The following RPTOR variants were observed in gnomAD, a reference collection of about 807,000 sequenced individuals.
RPTOR encodes the protein regulatory-associated protein of mTOR.
A neutral mutation model predicts 169.9 loss-of-function variants in RPTOR; 21 were observed. That is an observed-to-expected ratio of 0.12 (90% CI 0.09 to 0.18). The LOEUF (loss-of-function observed/expected upper bound fraction) is 0.18. Among genes scored for constraint, RPTOR ranks in the 10% least tolerant of loss-of-function variants. The pLI, the probability that RPTOR is intolerant of heterozygous loss-of-function variation, is 1.00. For missense variants in RPTOR, 1,133 were observed against 1,855.9 expected, an observed-to-expected ratio of 0.61 and a Z score of 7.16; for synonymous variants, 732 against 753.2, an observed-to-expected ratio of 0.97 and a Z score of 0.46.
Position 80,708,895 on chromosome 17 carries a change from G to A in RPTOR, c.507+896G>A. ...GTTTCGGTTGTGCTGTCAGCCTCCT[G>A]GGCTTCTGCTTCCTTAGTGTGGACA... On this transcript the variant is annotated intron_variant, in intron 4 of 33. Coordinates refer to ENST00000306801, the MANE Select transcript of RPTOR (RefSeq NM_020761.3). This position sits in a 1 kb window ranked among gnomAD's most constrained non-coding sequence, Gnocchi z 4.2. The A allele has an allele frequency of 2.0e-6, 2 of 983,688 alleles. No individual in the cohort carries two copies. The highest frequency in any genetic ancestry group is 9.4e-5 in the South Asian group (2 of 21,230). 60.9% of individuals were successfully genotyped at this position (983,688 alleles called of 1,614,324 possible).
At chr17:80,728,891 G>C (rs2066363932) in intron 4 of RPTOR, among the ~76,000 whole-genome samples, 1 of 152,144 alleles carries the variant, frequency 6.6e-6, no homozygotes, top group Admixed American at 6.5e-5. Context: ...TTTACAGAGA[G>C]CATTTCCAGG....
At position 80,581,960 on chromosome 17, in the gene RPTOR, G is replaced by C. The variant is rs530246840; in HGVS notation, c.162+36169G>C. ...AGAGTTGCAGAGGGCTGGGGATGTTGAAGGAGAGAGAAGGCTCTGGAGGAA... is the reference window on the plus strand; with the variant it reads ...AGAGTTGCAGAGGGCTGGGGATGTTCAAGGAGAGAGAAGGCTCTGGAGGAA... On this transcript the variant is annotated intron_variant, in intron 1 of 33. Coordinates refer to ENST00000306801, the MANE Select transcript of RPTOR (RefSeq NM_020761.3). Among the ~76,000 whole-genome samples the C allele has an allele frequency of 9.8e-5, 15 of 152,344 alleles. No individual in the cohort carries two copies. In the South Asian group the frequency reaches 3.1e-3, roughly 32 times the overall value.
At chr17:80,638,433 A>G (rs2065526050) in intron 2 of RPTOR, among the ~76,000 whole-genome samples, 1 of 119,448 alleles carries the variant, frequency 8.4e-6, no homozygotes, top group South Asian at 2.5e-4. Flanking sequence ...TTTTTTTGAG[A>G]CGGAGTCACA....
At chr17:80,755,518 C>T (rs2143341486) in intron 6 of RPTOR, among the ~76,000 whole-genome samples, 1 of 152,234 alleles carries the variant, frequency 6.6e-6, no homozygotes, top group African/African-American at 2.4e-5. Flanking sequence ...AGGCAGATTG[C>T]TTGAGGCCAG....
In RPTOR at chr17:80,651,130, G is replaced by A. The variant is rs528232635; in HGVS notation, c.348+7320G>A. 3.0e-4 allele frequency among the ~76,000 whole-genome samples: 46 copies of A among 152,276 alleles called. No individual in the cohort carries two copies. Among genetic ancestry groups the A allele is most frequent in the African/African-American group, 9.4e-4 (39 of 41,558 alleles). On this transcript the variant is annotated intron_variant, in intron 3 of 33. Coordinates refer to ENST00000306801, the MANE Select transcript of RPTOR (RefSeq NM_020761.3). The surrounding 1 kb of genome is among the most constrained non-coding windows in gnomAD (Gnocchi z 4.1). ...TGTTTCCTGAGTTAACTTGGGGACCGTGATACAGAGCGATGCGGAGATGGC... is the reference window on the plus strand; with the variant it reads ...TGTTTCCTGAGTTAACTTGGGGACCATGATACAGAGCGATGCGGAGATGGC...
chr17:80,821,122 T>C (rs965859735), intron 7 of RPTOR, among the ~76,000 whole-genome samples: 13 of 152,372 alleles, frequency 8.5e-5, no homozygotes, highest in Middle Eastern at 6.8e-3. Flanking sequence ...AGAATTACAT[T>C]AAGAAGCTTG....
chr17:80,918,455 ACGAGCACCC>A (rs1322085516), intron 21 of RPTOR, among the ~76,000 whole-genome samples: 6 of 142,938 alleles, frequency 4.2e-5, no homozygotes, highest in Admixed American at 1.4e-4. Context: ...AGTCATAGCC[ACGAGCACCC>A]TCGCCGGAGT....
chr17:80,575,104 A>G (rs1006986583), intron 1 of RPTOR, among the ~76,000 whole-genome samples: 7 of 152,096 alleles, frequency 4.6e-5, no homozygotes, highest in Non-Finnish European at 8.8e-5. Context: ...TGTCTTTTCT[A>G]GTGTATGCAC....
rs555051490 is a variant in RPTOR, at chr17:80,605,130, C to T, written c.163-20561C>T. On this transcript the variant is annotated intron_variant, in intron 1 of 33. Transcript: ENST00000306801. ...GACGATCCATGTCCTGTGGGATGGC[C>T]CATGTTTCACCAGCACTCAGATGCC... 1.1e-3 allele frequency among the ~76,000 whole-genome samples: 167 copies of T among 152,254 alleles called. 7 individuals are homozygous for T. Among genetic ancestry groups the T allele is most frequent in the Non-Finnish European group, 8.7e-4 (59 of 68,018 alleles).
At chr17:80,770,340 G>T (rs974477461) in intron 6 of RPTOR, among the ~76,000 whole-genome samples, 2 of 152,206 alleles carry the variant, frequency 1.3e-5, no homozygotes, top group African/African-American at 4.8e-5. Flanking sequence ...ATTTTAGGAG[G>T]GACGTGCCTT....
At chr17:80,689,991 AT>A (rs1382708184) in intron 3 of RPTOR, among the ~76,000 whole-genome samples, 1 of 152,224 alleles carries the variant, frequency 6.6e-6, no homozygotes, top group Non-Finnish European at 1.5e-5. Flanking sequence ...TTACTTTACC[AT>A]TAAGTTATAT....
intron 4 of RPTOR, among the ~76,000 whole-genome samples, chr17:80,717,546 G>A (rs914886382): frequency 6.6e-5 from 10 of 152,220 alleles, no homozygotes; most frequent in African/African-American, 2.4e-4. Context: ...ACAGGCGCGT[G>A]TTCTTCCAGA....
At chr17:80,587,578 G>A (rs2065071891) in intron 1 of RPTOR, among the ~76,000 whole-genome samples, 1 of 152,168 alleles carries the variant, frequency 6.6e-6, no homozygotes, top group Admixed American at 6.5e-5. Flanking sequence ...CCACACTCCG[G>A]CCCACACTGT....
intron 1 of RPTOR, among the ~76,000 whole-genome samples, chr17:80,593,081 C>T (rs1460270849): frequency 1.3e-5 from 2 of 152,150 alleles, no homozygotes; most frequent in Non-Finnish European, 2.9e-5. Context: ...GGGACAGGCA[C>T]TAGTGGGATC....
At chr17:80,748,514 G>A (rs71368084) in intron 5 of RPTOR, among the ~76,000 whole-genome samples, 1,869 of 83,316 alleles carry the variant, frequency 0.022, 182 homozygotes, top group Non-Finnish European at 0.035. Flanking sequence ...GAGGGACTGC[G>A]GTGTGTGTTT....
chr17:80,962,359 CA>C, intron 31 of RPTOR, 101 bp from the exon 32 acceptor site: 1 of 898,920 alleles, frequency 1.1e-6, no homozygotes, highest in Admixed American at 2.1e-5. Context: ...AGTGTGTGTG[CA>C]AACAGGTGTG....
At chr17:80,556,512 T>G (rs2084410071) in intron 1 of RPTOR, among the ~76,000 whole-genome samples, 1 of 151,926 alleles carries the variant, frequency 6.6e-6, no homozygotes, top group Non-Finnish European at 1.5e-5. Context: ...ACACCCTGCT[T>G]CAATAAAAAC....
At chr17:80,884,585 C>T (rs1193260167) in intron 16 of RPTOR, among the ~76,000 whole-genome samples, 2 of 152,234 alleles carry the variant, frequency 1.3e-5, no homozygotes, top group African/African-American at 2.4e-5. Flanking sequence ...TGTCGCTCCC[C>T]TGGCTGAGCC....
At chr17:80,559,201 T>C (rs946854401) in intron 1 of RPTOR, among the ~76,000 whole-genome samples, 2 of 152,222 alleles carry the variant, frequency 1.3e-5, no homozygotes, top group Non-Finnish European at 2.9e-5. Flanking sequence ...TAGTCTTTCC[T>C]CATATTCACA....
Sources: allele counts gnomAD v4.1 joint callset (sites outside exome capture counted in the v4.1 genomes callset), GRCh38; gene constraint gnomAD v4.1.1; non-coding constraint Gnocchi (gnomAD v3.1); transcripts MANE v1.5; gene names NCBI Gene and HGNC (gene_info 2026-07-23, HGNC 2026-07-21).